ADAMTS19: variants seen among roughly 807,000 people sequenced by gnomAD.
The protein encoded by ADAMTS19 is A disintegrin and metalloproteinase with thrombospondin motifs 19.
In ADAMTS19, 93 loss-of-function variants were observed where a neutral mutation model predicts 153.3. The observed-to-expected ratio is 0.61, with a 90% CI of 0.51 to 0.72. The LOEUF is 0.72. Among genes scored for constraint, ADAMTS19 ranks in the 30% least tolerant of loss-of-function variants. The pLI, the probability that ADAMTS19 is intolerant of heterozygous loss-of-function variation, is 0.00. For synonymous variants in ADAMTS19, 600 were observed against 556.6 expected (o/e 1.08, Z -1.10); for missense variants, 1,482 against 1,552.1 (o/e 0.95, Z 0.76).
At chr5:129,719,286 T>C (rs1302338261) in intron 21 of ADAMTS19, among the ~76,000 whole-genome samples, 1 of 152,172 alleles carries the variant, frequency 6.6e-6, no homozygotes, top group East Asian at 1.9e-4. Flanking sequence ...ATGCATAGAT[T>C]AATAGTTCCA....
chr5:129,557,831 T>C (rs1170547042), intron 7 of ADAMTS19, among the ~76,000 whole-genome samples: 5 of 151,714 alleles, frequency 3.3e-5, no homozygotes, highest in Admixed American at 1.3e-4. Context: ...AGGAAAGAAA[T>C]TAAGAAAGTC....
intron 2 of ADAMTS19, among the ~76,000 whole-genome samples, chr5:129,476,139 A>C (rs1042847597): frequency 6.6e-6 from 1 of 151,648 alleles, no homozygotes; most frequent in South Asian, 2.1e-4. Flanking sequence ...GGTCTTTTTC[A>C]TAGCAGTAGG....
intron 10 of ADAMTS19, among the ~76,000 whole-genome samples, chr5:129,635,367 A>C (rs766532378): frequency 6.6e-6 from 1 of 152,236 alleles, no homozygotes; most frequent in Non-Finnish European, 1.5e-5. Context: ...AAAGAGCTAA[A>C]AACAGAAATA....
At chr5:129,659,590 A>G (rs1396575978) in intron 15 of ADAMTS19, among the ~76,000 whole-genome samples, 1 of 152,044 alleles carries the variant, frequency 6.6e-6, no homozygotes, top group East Asian at 1.9e-4. Context: ...TTTTAAAATT[A>G]TAGATGTGCT....
At chr5:129,532,910 C>G (rs944136561) in intron 6 of ADAMTS19, among the ~76,000 whole-genome samples, 1 of 152,128 alleles carries the variant, frequency 6.6e-6, no homozygotes, top group Non-Finnish European at 1.5e-5. Context: ...CAATATCAGC[C>G]TTGTCAACAT....
At chr5:129,507,208 C>T (rs963577145) in intron 2 of ADAMTS19, among the ~76,000 whole-genome samples, 18 of 151,946 alleles carry the variant, frequency 1.2e-4, no homozygotes, top group Non-Finnish European at 7.4e-5. Context: ...TAATCATCAG[C>T]CTCACTGTCA....
At chr5:129,497,457 T>A (rs1287158364) in intron 2 of ADAMTS19, among the ~76,000 whole-genome samples, 2 of 152,106 alleles carry the variant, frequency 1.3e-5, no homozygotes, top group Non-Finnish European at 1.5e-5. Flanking sequence ...CATAAAACTA[T>A]CCACTAAGCT....
chr5:129,470,919 C>G (rs1750041764), intron 2 of ADAMTS19, among the ~76,000 whole-genome samples: 1 of 151,852 alleles, frequency 6.6e-6, no homozygotes, highest in Non-Finnish European at 1.5e-5. Flanking sequence ...GGATATTTTG[C>G]CCTCAACTCT....
chr5:129,687,101 A>G (rs576837753), intron 18 of ADAMTS19, among the ~76,000 whole-genome samples: 2 of 152,264 alleles, frequency 1.3e-5, no homozygotes, highest in South Asian at 4.2e-4. Flanking sequence ...TAAAAAACAA[A>G]GGCACAAAAT....
chr5:129,599,302 C>G (rs1402811670), intron 8 of ADAMTS19, among the ~76,000 whole-genome samples: 1 of 151,806 alleles, frequency 6.6e-6, no homozygotes, highest in African/African-American at 2.4e-5. Context: ...AGAATAATGT[C>G]TAGAGGCAAG....
intron 8 of ADAMTS19, 45 bp from the exon 9 acceptor site, chr5:129,620,573 A>G: frequency 4.3e-6 from 6 of 1,400,884 alleles, no homozygotes; most frequent in Non-Finnish European, 5.7e-6. Context: ...AACAAGTAAC[A>G]TTTACTTAGT....
chr5:129,731,964 C>T (rs1312145620), intron 21 of ADAMTS19, among the ~76,000 whole-genome samples: 1 of 151,976 alleles, frequency 6.6e-6, no homozygotes, highest in African/African-American at 2.4e-5. Context: ...AAGCACATTT[C>T]CCCTCTTACA....
intron 21 of ADAMTS19, among the ~76,000 whole-genome samples, chr5:129,705,508 A>C (rs1756110069): frequency 6.6e-6 from 1 of 152,172 alleles, no homozygotes; most frequent in African/African-American, 2.4e-5. Context: ...AGTAAACTAG[A>C]CTCTCTTTCT....
At position 129,738,147 on chromosome 5, in the gene ADAMTS19, A is replaced by C. The variant is rs1170440788; in HGVS notation, c.*929A>C. 6.6e-6 allele frequency: 1 copy of C among 152,436 alleles called. No individual in the cohort carries two copies. The highest frequency in any genetic ancestry group is 1.5e-5 in the Non-Finnish European group (1 of 67,998). The allele number at this position is 152,436 out of a possible 1,614,324, so 9.4% of individuals were successfully genotyped here. ...GTATTTCTCAGCCTTTTCCCTAGGA[A>C]CAAGGAAAAACAGAAAGCATATAAT... On this transcript the variant is annotated 3_prime_UTR_variant, in exon 23 of 23. Transcript: ENST00000274487.
intron 1 of ADAMTS19, chr5:129,460,749 A>C (rs1028954406): frequency 1.8e-5 from 10 of 569,442 alleles, no homozygotes; most frequent in Non-Finnish European, 3.1e-5. Context: ...CCTGGAGGAA[A>C]ATTAGAACGT....
At chr5:129,466,716 G>A (rs1463783825) in intron 2 of ADAMTS19, among the ~76,000 whole-genome samples, 2 of 152,146 alleles carry the variant, frequency 1.3e-5, no homozygotes, top group Admixed American at 6.5e-5. Flanking sequence ...TAAAAAATCA[G>A]TATAAAGACT....
intron 2 of ADAMTS19, among the ~76,000 whole-genome samples, chr5:129,477,730 A>T (rs1468148898): frequency 6.6e-6 from 1 of 152,218 alleles, no homozygotes; most frequent in Non-Finnish European, 1.5e-5. Flanking sequence ...ACAAGTGCAC[A>T]GTGTCCAATT....
intron 6 of ADAMTS19, among the ~76,000 whole-genome samples, chr5:129,543,040 G>GT (rs201935631): frequency 0.079 from 11,311 of 143,550 alleles, 438 homozygotes; most frequent in South Asian, 0.11. Context: ...TGTTGTTGTT[G>GT]TTGTTTTGTT....
chr5:129,737,273 C>A lies in ADAMTS19; in HGVS notation c.*55C>A, dbSNP rs1007530582. ...TTGGCAATTACATTATTTATAAACA[C>A]ACACACTAGCATGTTTTTCAGACCA... On this transcript the variant is annotated 3_prime_UTR_variant, in exon 23 of 23. Transcript: ENST00000274487. 16 of 1,430,390 alleles carry A rather than the reference C, an allele frequency of 1.1e-5. No individual in the cohort carries two copies. In the Admixed American group the frequency reaches 3.1e-4, roughly 28 times the overall value. The allele number at this position is 1,430,390 out of a possible 1,614,324, so 88.6% of individuals were successfully genotyped here.
Sources: gnomAD v4.1 joint callset for allele counts (sites outside exome capture counted in the v4.1 genomes callset) on GRCh38, gnomAD v4.1.1 for gene constraint, MANE v1.5 for transcripts, NCBI Gene and HGNC (gene_info 2026-07-23, HGNC 2026-07-21) for gene names.